EPHB2: variants seen among roughly 807,000 people sequenced by gnomAD.
EPHB2 encodes the protein ephrin type-B receptor 2.
EPHB2 carries 18 observed loss-of-function variants against 96.4 expected under a neutral mutation model. The observed-to-expected ratio is 0.19, with a 90% CI of 0.13 to 0.28. The LOEUF is 0.28. EPHB2 is among the 10% of genes least tolerant of loss of function. EPHB2 has a pLI of 1.00. For synonymous variants in EPHB2, 506 were observed against 534.1 expected (o/e 0.95, Z 0.72); for missense variants, 989 against 1,355.4 (o/e 0.73, Z 4.25).
In EPHB2 at chr1:22,779,501, C is replaced by T. The variant is rs182382619; in HGVS notation, c.62-1920C>T. Among the ~76,000 whole-genome samples the T allele has an allele frequency of 2.4e-4, 37 of 152,336 alleles. No homozygotes were observed. In the East Asian group the frequency reaches 6.0e-3, roughly 25 times the overall value. On this transcript the variant is annotated intron_variant, in intron 1 of 15. Transcript: ENST00000374630. ...TCCTCCTGTCCCCACCCTTTATCCC[C>T]TCCACCCCTGCCATAGTTCAAACCC...
At chr1:22,812,358 G>A (rs1206392603) in intron 3 of EPHB2, among the ~76,000 whole-genome samples, 2 of 152,246 alleles carry the variant, frequency 1.3e-5, no homozygotes, top group Non-Finnish European at 2.9e-5. Context: ...CTCGGAGTGG[G>A]CAGCAATGAT....
rs536504127 is a variant in EPHB2, at chr1:22,824,537, G to C, written c.812-38500G>C. 8.5e-5 allele frequency among the ~76,000 whole-genome samples: 13 copies of C among 152,230 alleles called. No homozygotes were observed. In the South Asian group the frequency reaches 2.7e-3, roughly 32 times the overall value. On this transcript the variant is annotated intron_variant, in intron 3 of 15. Transcript: ENST00000374630. ...AACTGGTATAGGATGGAGACAAAGG[G>C]AGTAGGCAGATACCAGGGCCAGAAG... is the stretch of plus-strand genomic sequence containing the variant.
chr1:22,827,249 C>T (rs771487865), intron 3 of EPHB2, among the ~76,000 whole-genome samples: 7 of 152,152 alleles, frequency 4.6e-5, no homozygotes, highest in Non-Finnish European at 7.4e-5. Context: ...TCCTCGGAGC[C>T]CCTGGAACAT....
chr1:22,730,564 G>A (rs1643686360), intron 1 of EPHB2, among the ~76,000 whole-genome samples: 1 of 152,134 alleles, frequency 6.6e-6, no homozygotes. Context: ...GCGAGAGGAG[G>A]GATCAGGAAG....
chr1:22,727,811 C>CT (rs34446692), intron 1 of EPHB2, among the ~76,000 whole-genome samples: 1,461 of 135,068 alleles, frequency 0.011, 17 homozygotes, highest in African/African-American at 0.028. Context: ...AAAAAAAAAA[C>CT]TTTTTTTTTT....
intron 1 of EPHB2, among the ~76,000 whole-genome samples, chr1:22,724,814 G>C (rs1045945392): frequency 1.1e-4 from 17 of 152,174 alleles, no homozygotes; most frequent in Admixed American, 1.1e-3. Context: ...ACTGGGGACT[G>C]GCCCAGGGAT....
At chr1:22,907,271 A>G (rs1639948060) in intron 11 of EPHB2, among the ~76,000 whole-genome samples, 1 of 152,188 alleles carries the variant, frequency 6.6e-6, no homozygotes, top group African/African-American at 2.4e-5. Context: ...CCTTCTCATT[A>G]TGCACAGGAG....
At position 22,731,531 on chromosome 1, in the gene EPHB2, G is replaced by C. The variant is rs976417645; in HGVS notation, c.61+20488G>C. Among the ~76,000 whole-genome samples, 3 of 152,188 alleles carry C rather than the reference G, an allele frequency of 2.0e-5. No individual in the cohort carries two copies. The South Asian group carries it at 6.2e-4, about 31-fold the overall frequency. ...TACCTTAGTAGGTGGCTGAGACATA[G>C]TAAGTTCTCAACAAATAACCATCAT... On this transcript the variant is annotated intron_variant, in intron 1 of 15. Transcript: ENST00000374630.
At chr1:22,835,989 T>C (rs1296673724) in intron 3 of EPHB2, 2 of 152,004 alleles carry the variant, frequency 1.3e-5, no homozygotes, top group East Asian at 3.9e-4. Flanking sequence ...TTTTTTTCCT[T>C]GACACATCCA....
Position 22,864,632 on chromosome 1 carries a change from C to T in EPHB2, c.968-245C>T, listed in dbSNP as rs112449884. Among the ~76,000 whole-genome samples, 11 of 152,262 alleles carry T rather than the reference C, an allele frequency of 7.2e-5. 1 individual carries two copies. Among genetic ancestry groups the T allele is most frequent in the African/African-American group, 1.9e-4 (8 of 41,548 alleles). On this transcript the variant is annotated intron_variant, in intron 4 of 15. Coordinates refer to ENST00000374630, the MANE Select transcript of EPHB2 (RefSeq NM_017449.5). ...GATACTGGGCAGGTATAATTCCAAA[C>T]GCAAAAATACTATCCTCAGTAACAA...
In EPHB2 at chr1:22,752,865, C is replaced by T. The variant is rs924698801; in HGVS notation, c.62-28556C>T. 9.9e-5 allele frequency among the ~76,000 whole-genome samples: 15 copies of T among 151,998 alleles called. 1 individual carries two copies. The highest frequency in any genetic ancestry group is 3.1e-4 in the African/African-American group (13 of 41,378). On this transcript the variant is annotated intron_variant, in intron 1 of 15. Transcript: ENST00000374630. Reference sequence around the variant, plus strand: ...GTGGTATAGTCATGACTTGCTGCAGCGTCAGATTACTGGGCTCAAGCAATC... The same window carrying T: ...GTGGTATAGTCATGACTTGCTGCAGTGTCAGATTACTGGGCTCAAGCAATC...
In EPHB2 at chr1:22,761,454, A is replaced by G. The variant is rs143878630; in HGVS notation, c.62-19967A>G. The stretch of plus-strand genomic sequence containing the variant: ...TAATGAAAAAAATAAATAACAGAGC[A>G]TCTGGCTGGGAACTATTTGGAGAGG... On this transcript the variant is annotated intron_variant, in intron 1 of 15. Transcript: ENST00000374630. Among the ~76,000 whole-genome samples, 10 of 152,306 alleles carry G rather than the reference A, an allele frequency of 6.6e-5. No individual in the cohort carries two copies. The East Asian group carries it at 1.9e-3, about 29-fold the overall frequency.
intron 9 of EPHB2, among the ~76,000 whole-genome samples, chr1:22,896,973 T>C (rs1228744627): frequency 6.6e-6 from 1 of 152,232 alleles, no homozygotes; most frequent in Non-Finnish European, 1.5e-5. Context: ...AATAAGATGA[T>C]GAGGACTCTG....
At chr1:22,890,316 A>G (rs1230728409) in intron 6 of EPHB2, among the ~76,000 whole-genome samples, 1 of 152,158 alleles carries the variant, frequency 6.6e-6, no homozygotes, top group African/African-American at 2.4e-5. Flanking sequence ...TGGGATGTCA[A>G]GGAGGCTTCC....
intron 1 of EPHB2, chr1:22,774,610 A>C (rs1190276628): frequency 3.0e-6 from 3 of 985,226 alleles, no homozygotes; most frequent in East Asian, 1.1e-4. Flanking sequence ...ATGGCTGGAT[A>C]CGAGAGACAC....
chr1:22,857,079 G>T (rs1645710892), intron 3 of EPHB2, among the ~76,000 whole-genome samples: 1 of 152,232 alleles, frequency 6.6e-6, no homozygotes, highest in Admixed American at 6.5e-5. Context: ...TCACCAACCA[G>T]TGGGCAGAAC....
chr1:22,785,873 C>T (rs1010610411), intron 3 of EPHB2, among the ~76,000 whole-genome samples: 2 of 152,192 alleles, frequency 1.3e-5, no homozygotes, highest in Admixed American at 6.5e-5. Flanking sequence ...GACCCTGTGA[C>T]AGAAAGTACT....
intron 3 of EPHB2, among the ~76,000 whole-genome samples, chr1:22,828,514 G>A (rs1198121258): frequency 6.6e-6 from 1 of 152,142 alleles, no homozygotes; most frequent in Non-Finnish European, 1.5e-5. Flanking sequence ...GTAAAAGAAA[G>A]CTGGAGACCT....
rs1293392985 is a variant in EPHB2 at position 22,919,849 on chromosome 1, C to T, written c.*6279C>T. On this transcript the variant is annotated 3_prime_UTR_variant, in exon 16 of 16. Transcript: ENST00000374630. ...GCAAAACCCCATCATTCTAAGATTC[C>T]AATGGAATGATTCCATGTTTCTAAG... is the stretch of plus-strand genomic sequence containing the variant. 1 of 152,174 alleles carries T rather than the reference C, an allele frequency of 6.6e-6. No homozygotes were observed. Among genetic ancestry groups the T allele is most frequent in the Non-Finnish European group, 1.5e-5 (1 of 68,036 alleles). The allele number at this position is 152,174 out of a possible 1,614,324, so 9.4% of individuals were successfully genotyped here.
Sources: gnomAD v4.1 joint callset for allele counts (sites outside exome capture counted in the v4.1 genomes callset) on GRCh38, gnomAD v4.1.1 for gene constraint, MANE v1.5 for transcripts, NCBI Gene and HGNC (gene_info 2026-07-23, HGNC 2026-07-21) for gene names.